TENM2: variants seen among roughly 807,000 people sequenced by gnomAD.
TENM2 encodes teneurin transmembrane protein 2, also known as teneurin-2.
In TENM2, 52 loss-of-function variants were observed where a neutral mutation model predicts 245.2. That is an observed-to-expected ratio of 0.21 (90% CI 0.17 to 0.27). TENM2 has a LOEUF of 0.27. Ranked by LOEUF, TENM2 falls within the 10% of genes least tolerant of loss-of-function variation. TENM2 has a pLI of 1.00. For missense variants in TENM2, 3,046 were observed against 3,666.8 expected (o/e 0.83, Z 4.37); for synonymous variants, 1,363 against 1,438.9 (o/e 0.95, Z 1.19).
At chr5:167,277,382 A>T in the TENM2 span, among the ~76,000 whole-genome samples, 1 of 152,016 alleles carries the variant, frequency 6.6e-6, no homozygotes, top group Non-Finnish European at 1.5e-5. Flanking sequence ...GATTATTTAG[A>T]AGAGTGTTGT....
chr5:167,442,824 G>A (rs1184765470), intron 2 of TENM2, among the ~76,000 whole-genome samples: 1 of 152,104 alleles, frequency 6.6e-6, no homozygotes, highest in Non-Finnish European at 1.5e-5. Flanking sequence ...TTCAGTGAGA[G>A]CTCTCACTCC....
chr5:167,830,354 G>A (rs1227700778), intron 2 of TENM2, among the ~76,000 whole-genome samples: 1 of 152,136 alleles, frequency 6.6e-6, no homozygotes, highest in South Asian at 2.1e-4. Flanking sequence ...TTTTTAAAGA[G>A]AGCAGGCTCA....
chr5:167,760,865 G>A (rs1762619385), intron 2 of TENM2, among the ~76,000 whole-genome samples: 1 of 152,114 alleles, frequency 6.6e-6, no homozygotes, highest in African/African-American at 2.4e-5. Context: ...TAGTCAGGCT[G>A]GTCTCGAACT....
chr5:167,947,146 C>T (rs906690252), intron 3 of TENM2, among the ~76,000 whole-genome samples: 2 of 152,098 alleles, frequency 1.3e-5, no homozygotes, highest in African/African-American at 4.8e-5. Context: ...TGAATATCCC[C>T]CTCCAAGAAC....
chr5:167,822,078 C>T (rs2151042121), intron 2 of TENM2, among the ~76,000 whole-genome samples: 1 of 151,816 alleles, frequency 6.6e-6, no homozygotes, highest in Admixed American at 6.6e-5. Context: ...AAGATTTAGT[C>T]TTTAGTCTGA....
At chr5:167,001,901 T>C in the TENM2 span, among the ~76,000 whole-genome samples, 12 of 152,170 alleles carry the variant, frequency 7.9e-5, no homozygotes, top group Non-Finnish European at 1.8e-4. Flanking sequence ...GTTTTGCTGC[T>C]CCTGCCTTTA....
chr5:167,997,587 A>G (rs1784147698), intron 5 of TENM2, among the ~76,000 whole-genome samples: 1 of 152,240 alleles, frequency 6.6e-6, no homozygotes, highest in East Asian at 1.9e-4. Context: ...GTTGTAAGTT[A>G]AAAACAGCCA....
At chr5:168,249,340 C>G (rs992280849) in intron 27 of TENM2, among the ~76,000 whole-genome samples, 1 of 152,052 alleles carries the variant, frequency 6.6e-6, no homozygotes, top group Admixed American at 6.6e-5. Context: ...AGAATTAAGT[C>G]TTTGCTACCA....
At chr5:167,929,963 A>G (rs551970498) in intron 3 of TENM2, among the ~76,000 whole-genome samples, 2 of 152,218 alleles carry the variant, frequency 1.3e-5, no homozygotes, top group African/African-American at 4.8e-5. Context: ...TGTCCTCTTC[A>G]TGCACCAATT....
At chr5:167,955,260 G>T (rs748712756) in intron 4 of TENM2, among the ~76,000 whole-genome samples, 1 of 152,124 alleles carries the variant, frequency 6.6e-6, no homozygotes, top group Non-Finnish European at 1.5e-5. Flanking sequence ...CCACATGAAT[G>T]TCTTCTTTTG....
chr5:167,123,671 A>G, the TENM2 span, among the ~76,000 whole-genome samples: 1 of 152,216 alleles, frequency 6.6e-6, no homozygotes, highest in African/African-American at 2.4e-5. Context: ...ATACCTATTT[A>G]ACTCAGCTCC....
the TENM2 span, among the ~76,000 whole-genome samples, chr5:167,141,346 G>A: frequency 1.3e-5 from 2 of 152,052 alleles, no homozygotes; most frequent in East Asian, 1.9e-4. Context: ...GATTGTGTAG[G>A]GCTTTAATAT....
intron 23 of TENM2, among the ~76,000 whole-genome samples, chr5:168,221,086 T>C (rs1358062423): frequency 6.7e-6 from 1 of 150,134 alleles, no homozygotes; most frequent in Non-Finnish European, 1.5e-5. Flanking sequence ...TACTCCAGCC[T>C]GGGCGACAGA....
the TENM2 span, among the ~76,000 whole-genome samples, chr5:167,246,150 C>T: frequency 1.4e-4 from 21 of 152,122 alleles, no homozygotes; most frequent in Non-Finnish European, 2.8e-4. Flanking sequence ...CTTTCTACGG[C>T]AAGAGAGGGA....
At chr5:167,835,106 G>T (rs972212967) in intron 2 of TENM2, among the ~76,000 whole-genome samples, 2 of 152,146 alleles carry the variant, frequency 1.3e-5, no homozygotes, top group South Asian at 2.1e-4. Context: ...TTAAGGTGAG[G>T]TTATAAAAAT....
intron 2 of TENM2, among the ~76,000 whole-genome samples, chr5:167,637,447 T>C (rs1779276504): frequency 6.6e-6 from 1 of 152,194 alleles, no homozygotes; most frequent in African/African-American, 2.4e-5. Context: ...TTTAGACCAT[T>C]TGACCCAGCA....
chr5:167,193,518 A>C, the TENM2 span, among the ~76,000 whole-genome samples: 1 of 151,984 alleles, frequency 6.6e-6, no homozygotes, highest in Non-Finnish European at 1.5e-5. Context: ...GGGTGGGGAC[A>C]TTCTTTTCAA....
chr5:168,093,960 G>T (rs962350464), intron 8 of TENM2, among the ~76,000 whole-genome samples: 5 of 148,680 alleles, frequency 3.4e-5, no homozygotes, highest in African/African-American at 1.2e-4. Context: ...GTTTATTTTG[G>T]ATTCTCCTAC....
intron 12 of TENM2, among the ~76,000 whole-genome samples, chr5:168,162,202 A>AT (rs1257172966): frequency 6.6e-6 from 1 of 152,102 alleles, no homozygotes; most frequent in Non-Finnish European, 1.5e-5. Flanking sequence ...TTGATAGGGA[A>AT]TTTTTTCTCT....
Sources: allele counts gnomAD v4.1 joint callset (sites outside exome capture counted in the v4.1 genomes callset), GRCh38; gene constraint gnomAD v4.1.1; transcripts MANE v1.5; gene names NCBI Gene and HGNC (gene_info 2026-07-23, HGNC 2026-07-21).